The following EPS15 variants were observed in gnomAD, a reference collection of about 807,000 sequenced individuals.
EPS15 encodes the protein epidermal growth factor receptor pathway substrate 15.
A neutral mutation model predicts 113.8 loss-of-function variants in EPS15; 72 were observed. That is an observed-to-expected ratio of 0.63 (90% CI 0.52 to 0.77). The LOEUF is 0.77. Ranked by LOEUF, EPS15 falls within the 30% of genes least tolerant of loss-of-function variation. The pLI, the probability that EPS15 is intolerant of heterozygous loss-of-function variation, is 0.00. For missense variants in EPS15, 1,048 were observed against 1,045.8 expected (o/e 1.00, Z -0.03); for synonymous variants, 344 against 363.4 (o/e 0.95, Z 0.61).
chr1:51,423,257 A>G (rs1650933653), intron 12 of EPS15: 1 of 1,288,926 alleles, frequency 7.8e-7, no homozygotes. Flanking sequence ...GATTTTAAAC[A>G]GTCCCTTACC....
chr1:51,399,195 C>T (rs751442250), intron 19 of EPS15, 30 bp from the exon 20 acceptor site: 16 of 1,577,376 alleles, frequency 1.0e-5, no homozygotes, highest in Non-Finnish European at 1.4e-5. Flanking sequence ...ATATAAGAGA[C>T]AAAAAAAAAT....
At chr1:51,396,807 T>C (rs1434187476) in intron 20 of EPS15, among the ~76,000 whole-genome samples, 1 of 152,090 alleles carries the variant, frequency 6.6e-6, no homozygotes, top group Non-Finnish European at 1.5e-5. Context: ...TTCCAGATTG[T>C]ATTGGTGAAA....
At chr1:51,421,919 A>T in intron 12 of EPS15, 61 bp from the exon 13 acceptor site, 1 of 1,605,966 alleles carries the variant, frequency 6.2e-7, no homozygotes, top group South Asian at 1.1e-5. Flanking sequence ...TGGTATGGTT[A>T]TCCATCCTCC....
intron 21 of EPS15, among the ~76,000 whole-genome samples, chr1:51,388,319 C>T (rs946222369): frequency 9.2e-5 from 14 of 152,200 alleles, no homozygotes; most frequent in African/African-American, 1.4e-4. Context: ...ACATTCAAAG[C>T]AGTGTGTAGA....
At chr1:51,373,674 C>A (rs1453965716) in intron 21 of EPS15, among the ~76,000 whole-genome samples, 4 of 152,198 alleles carry the variant, frequency 2.6e-5, no homozygotes, top group African/African-American at 9.6e-5. Flanking sequence ...TTCTGGCATT[C>A]TCAGGATTTG....
intron 1 of EPS15, among the ~76,000 whole-genome samples, chr1:51,516,145 T>A (rs12735390): frequency 0.058 from 8,789 of 152,150 alleles, 341 homozygotes; most frequent in Non-Finnish European, 0.086. Flanking sequence ...TAGAAAACAT[T>A]TAAGGCTGTA....
intron 1 of EPS15, among the ~76,000 whole-genome samples, chr1:51,508,304 AAGAG>A (rs1388790449): frequency 0.011 from 1,394 of 122,438 alleles, 17 homozygotes; most frequent in Non-Finnish European, 0.016. Context: ...GAGAGAGAGA[AAGAG>A]AGAAAGAGAG....
intron 1 of EPS15, among the ~76,000 whole-genome samples, chr1:51,507,056 G>C (rs530097790): frequency 8.6e-4 from 131 of 152,222 alleles, no homozygotes; most frequent in South Asian, 3.7e-3. Flanking sequence ...TATTGCTCGA[G>C]TTAACCCTTG....
intron 13 of EPS15, among the ~76,000 whole-genome samples, chr1:51,417,602 T>C (rs558130738): frequency 1.3e-5 from 2 of 152,232 alleles, no homozygotes; most frequent in African/African-American, 4.8e-5. Flanking sequence ...TCATGCCATA[T>C]ATAAGTGGAT....
chr1:51,490,629 GC>G (rs1376580368), intron 1 of EPS15, among the ~76,000 whole-genome samples: 2 of 149,932 alleles, frequency 1.3e-5, no homozygotes, highest in Non-Finnish European at 3.0e-5. Context: ...AAAACATAAT[GC>G]CAATCTTTTC....
At chr1:51,423,663 C>A in intron 12 of EPS15, 1 of 985,320 alleles carries the variant, frequency 1.0e-6, no homozygotes, top group Non-Finnish European at 1.2e-6. Flanking sequence ...GTACTGAATT[C>A]TTTCTGCTCT....
chr1:51,388,256 T>C (rs1182020360), intron 21 of EPS15, among the ~76,000 whole-genome samples: 1 of 152,134 alleles, frequency 6.6e-6, no homozygotes, highest in East Asian at 1.9e-4. Flanking sequence ...GAAATAAAGA[T>C]CTTCTTTGAA....
chr1:51,433,611 T>C (rs1423256369), intron 12 of EPS15, among the ~76,000 whole-genome samples: 1 of 152,222 alleles, frequency 6.6e-6, no homozygotes, highest in Non-Finnish European at 1.5e-5. Flanking sequence ...TTCGTGGAAA[T>C]GAAGACTAGT....
chr1:51,443,899 C>T (rs765490105), intron 11 of EPS15, among the ~76,000 whole-genome samples: 1 of 152,102 alleles, frequency 6.6e-6, no homozygotes, highest in Non-Finnish European at 1.5e-5. Flanking sequence ...CCTCCCACCT[C>T]GGACTCACAA....
chr1:51,482,973 A>G (rs999008861), intron 1 of EPS15, among the ~76,000 whole-genome samples: 3 of 152,208 alleles, frequency 2.0e-5, no homozygotes, highest in Admixed American at 6.5e-5. Flanking sequence ...CACTTTCCAC[A>G]GTTTTAGTTA....
At chr1:51,464,242 A>ATTTT (rs11375231) in intron 6 of EPS15, among the ~76,000 whole-genome samples, 2 of 145,970 alleles carry the variant, frequency 1.4e-5, no homozygotes, top group African/African-American at 2.5e-5. Context: ...AATAAATAAA[A>ATTTT]TTTTTTTTTT....
intron 20 of EPS15, among the ~76,000 whole-genome samples, chr1:51,396,796 T>C (rs1647993083): frequency 6.6e-6 from 1 of 152,162 alleles, no homozygotes; most frequent in Non-Finnish European, 1.5e-5. Context: ...TTTTTAAAAA[T>C]TTCCAGATTG....
intron 24 of EPS15, among the ~76,000 whole-genome samples, chr1:51,358,711 T>G (rs1442051110): frequency 1.4e-5 from 2 of 144,942 alleles, no homozygotes; most frequent in Non-Finnish European, 3.0e-5. Context: ...TTTTTTTTGT[T>G]TTTTTTTTTT....
chr1:51,411,105 A>G (rs1336840503), intron 13 of EPS15, among the ~76,000 whole-genome samples: 1 of 152,218 alleles, frequency 6.6e-6, no homozygotes, highest in Non-Finnish European at 1.5e-5. Context: ...AATGTCTCAC[A>G]TGTGTCACTA....
Sources: gnomAD v4.1 joint callset for allele counts (sites outside exome capture counted in the v4.1 genomes callset) on GRCh38, gnomAD v4.1.1 for gene constraint, MANE v1.5 for transcripts, NCBI Gene and HGNC (gene_info 2026-07-23, HGNC 2026-07-21) for gene names.